The following TBX4 variants were observed in gnomAD, a reference collection of about 807,000 sequenced individuals.
TBX4 encodes T-box transcription factor 4, also known as T-box transcription factor TBX4.
Under a neutral mutation model 54.6 loss-of-function variants are expected in TBX4, and 13 were observed. The observed-to-expected ratio is 0.24, with a 90% confidence interval of 0.15 to 0.38. The LOEUF (loss-of-function observed/expected upper bound fraction) is 0.38. Ranked by LOEUF, TBX4 falls within the 10% of genes least tolerant of loss-of-function variation. The pLI, the probability that TBX4 is intolerant of heterozygous loss-of-function variation, is 1.00. For synonymous variants in TBX4, 314 were observed against 306.7 expected, an observed-to-expected ratio of 1.02 and a Z score of -0.25; for missense variants, 631 against 728.5, an observed-to-expected ratio of 0.87 and a Z score of 1.54.
Position 61,476,775 on chromosome 17 carries a change from G to A in TBX4, c.550-1852G>A, listed in dbSNP as rs1203414989. On this transcript the variant is annotated intron_variant, in intron 5 of 8. Transcript: ENST00000644296. This position sits in a 1 kb window ranked among gnomAD's most constrained non-coding sequence, Gnocchi z 6.5. ...GGCTGAGGCGGGAGTGGCCAGTGCAGAAGGCAGAAAGTGTGGTTCCTGCTG... is the reference window on the plus strand; with the variant it reads ...GGCTGAGGCGGGAGTGGCCAGTGCAAAAGGCAGAAAGTGTGGTTCCTGCTG... Among the ~76,000 whole-genome samples the A allele has an allele frequency of 4.6e-5, 7 of 152,202 alleles. No homozygotes were observed. The highest frequency in any genetic ancestry group is 1.0e-4 in the Non-Finnish European group (7 of 68,038).
Position 61,478,415 on chromosome 17 carries a change from G to A in TBX4, c.550-212G>A, listed in dbSNP as rs2060637850. The A allele has an allele frequency of 4.8e-6, 3 of 623,532 alleles. No homozygotes were observed. Among genetic ancestry groups the A allele is most frequent in the Non-Finnish European group, 8.4e-6 (3 of 355,038 alleles). 38.6% of individuals were successfully genotyped at this position (623,532 alleles called of 1,614,324 possible). A position where few individuals can be genotyped will look rare whatever the true frequency, so the allele number is the denominator to read the frequency against. The stretch of plus-strand genomic sequence containing the variant: ...GGCCTGGAGCTGGGCATTAGTGCTG[G>A]TGCAGAGAGGCTAAGTAGGGCTGGG... On this transcript the variant is annotated intron_variant, in intron 5 of 8. Coordinates refer to ENST00000644296, the MANE Select transcript of TBX4 (RefSeq NM_001321120.2). The surrounding 1 kb of genome is among the most constrained non-coding windows in gnomAD (Gnocchi z 7.4).
chr17:61,479,279 G>A lies in TBX4; in HGVS notation c.702+500G>A, dbSNP rs935270796. 6.6e-6 allele frequency among the ~76,000 whole-genome samples: 1 copy of A among 152,018 alleles called. No homozygotes were observed. Among genetic ancestry groups the A allele is most frequent in the Non-Finnish European group, 1.5e-5 (1 of 68,004 alleles). On this transcript the variant is annotated intron_variant, in intron 6 of 8. Coordinates refer to ENST00000644296, the MANE Select transcript of TBX4 (RefSeq NM_001321120.2). The surrounding 1 kb of genome is among the most constrained non-coding windows in gnomAD (Gnocchi z 6.1). Reference sequence around the variant, plus strand: ...CACTCACTACTGCCCTCCCCAGCCCGGCCACCCCCACTGCATCCCAGTCAC... The same window carrying A: ...CACTCACTACTGCCCTCCCCAGCCCAGCCACCCCCACTGCATCCCAGTCAC...
chr17:61,476,129 T>A lies in TBX4; in HGVS notation c.550-2498T>A, dbSNP rs984004344. On this transcript the variant is annotated intron_variant, in intron 5 of 8. Coordinates refer to ENST00000644296, the MANE Select transcript of TBX4 (RefSeq NM_001321120.2). This position sits in a 1 kb window ranked among gnomAD's most constrained non-coding sequence, Gnocchi z 6.5. Reference sequence around the variant, plus strand: ...TACAAAAGGATAAAAGGTATAGCCCTTTCTCCTGAGGAGTTTAGAGTTTAA... The same window carrying A: ...TACAAAAGGATAAAAGGTATAGCCCATTCTCCTGAGGAGTTTAGAGTTTAA... Among the ~76,000 whole-genome samples the A allele has an allele frequency of 6.6e-6, 1 of 152,142 alleles. No homozygotes were observed. Among genetic ancestry groups the A allele is most frequent in the African/African-American group, 2.4e-5 (1 of 41,414 alleles).
rs1320515186 is a variant in TBX4, at chr17:61,452,863, A to C, written c.-4+286A>C. The stretch of plus-strand genomic sequence containing the variant: ...GAGATCCAAGAGCATAGAAATATCG[A>C]CAGCGCCAGCACCCTAAGAACAAGG... On this transcript the variant is annotated intron_variant, in intron 1 of 8. Coordinates refer to ENST00000644296, the MANE Select transcript of TBX4 (RefSeq NM_001321120.2). 3.2e-6 allele frequency: 3 copies of C among 939,702 alleles called. No individual in the cohort carries two copies. The African/African-American group carries it at 5.3e-5, about 17-fold the overall frequency. The allele number at this position is 939,702 out of a possible 1,614,324, so 58.2% of individuals were successfully genotyped here.
intron 1 of TBX4, among the ~76,000 whole-genome samples, chr17:61,454,343 C>G (rs2060432144): frequency 6.6e-6 from 1 of 152,266 alleles, no homozygotes; most frequent in African/African-American, 2.4e-5. Flanking sequence ...AACGAGGCAG[C>G]TGAAAGCAAC....
chr17:61,467,869 A>G (rs969254048), intron 5 of TBX4, among the ~76,000 whole-genome samples: 1 of 152,222 alleles, frequency 6.6e-6, no homozygotes, highest in African/African-American at 2.4e-5. Flanking sequence ...AACTCTGGAC[A>G]ATCGTCTCAG....
In TBX4 at chr17:61,481,164, G is replaced by A. The variant is rs751313071; in HGVS notation, c.1021+845G>A. ...CACGGGTTGGCAAACTGTGGCCTTC[G>A]GACCTAACCCAGCCTGCTACCTGTA... On this transcript the variant is annotated intron_variant, in intron 8 of 8. Coordinates refer to ENST00000644296, the MANE Select transcript of TBX4 (RefSeq NM_001321120.2). This position sits in a 1 kb window ranked among gnomAD's most constrained non-coding sequence, Gnocchi z 4.8. Among the ~76,000 whole-genome samples the A allele has an allele frequency of 6.6e-6, 1 of 152,020 alleles. No individual in the cohort carries two copies. The highest frequency in any genetic ancestry group is 1.5e-5 in the Non-Finnish European group (1 of 68,024).
Position 61,478,714 on chromosome 17 carries a change from G to A in TBX4, c.637G>A (p.Ala213Thr), listed in dbSNP as rs1371791905. 1 of 1,614,190 alleles carries A rather than the reference G, an allele frequency of 6.2e-7. No individual in the cohort carries two copies. The highest frequency in any genetic ancestry group is 1.1e-5 in the South Asian group (1 of 91,078). Residue 213 changes from alanine (A) to threonine (T), a missense_variant, in exon 6 of 9, where the codon GCT becomes ACT. By Grantham distance (58) the Ala-to-Thr change is moderately conservative. This residue lies in a region of TBX4 where 154 missense variants were observed against 238.6 expected (regional missense o/e 0.65). Transcript: ENST00000644296. The surrounding 1 kb of genome is among the most constrained non-coding windows in gnomAD (Gnocchi z 7.4). ...ENNAFGSKNT[A>T]FCTHVFPETS... The stretch of plus-strand genomic sequence containing the variant: ...CAATGCTTTCGGCTCCAAAAACACT[G>A]CTTTCTGCACCCACGTGTTCCCAGA...
rs1443726078 is a variant in TBX4, at chr17:61,456,566, G to T, written c.76G>T (p.Ala26Ser). Residue 26 changes from alanine (A) to serine (S), a missense_variant, in exon 2 of 9, where the codon GCA (alanine) becomes TCA (serine). By Grantham distance (99) the Ala-to-Ser change is moderately conservative. Coordinates refer to ENST00000644296, the MANE Select transcript of TBX4 (RefSeq NM_001321120.2). Reference protein sequence around the residue: ...APGPALGEASAANAPEPALAA... With the variant: ...APGPALGEASSANAPEPALAA... ...GGGCCCAGCGCTCGGAGAGGCCAGCGCAGCCAACGCCCCCGAGCCCGCGCT... is the reference window on the plus strand; with the variant it reads ...GGGCCCAGCGCTCGGAGAGGCCAGCTCAGCCAACGCCCCCGAGCCCGCGCT... 1.3e-6 allele frequency: 2 copies of T among 1,545,200 alleles called. No individual in the cohort carries two copies. Among genetic ancestry groups the T allele is most frequent in the Non-Finnish European group, 1.7e-6 (2 of 1,144,730 alleles).
chr17:61,458,297 G>C (rs927024382), intron 3 of TBX4, among the ~76,000 whole-genome samples: 1 of 151,464 alleles, frequency 6.6e-6, no homozygotes, highest in Non-Finnish European at 1.5e-5. Context: ...GACTCACGGC[G>C]GGGGTGGGGG....
chr17:61,458,218 A>T (rs1243950502), intron 3 of TBX4, among the ~76,000 whole-genome samples: 1 of 148,732 alleles, frequency 6.7e-6, no homozygotes, highest in East Asian at 2.1e-4. Flanking sequence ...TGATTTATAA[A>T]GTGGAAACAT....
chr17:61,462,761 G>C lies in TBX4; in HGVS notation c.282-3058G>C, dbSNP rs939475560. On this transcript the variant is annotated intron_variant, in intron 3 of 8. Transcript: ENST00000644296. The surrounding 1 kb of genome is among the most constrained non-coding windows in gnomAD (Gnocchi z 4.5). ...GCGTTGCTTTCCACCGTAGGGTGTT[G>C]GTTTTCAGGTACATTCTATGTCATA... is the stretch of plus-strand genomic sequence containing the variant. 3.3e-5 allele frequency: 5 copies of C among 152,162 alleles called. No homozygotes were observed. Among genetic ancestry groups the C allele is most frequent in the Admixed American group, 3.3e-4 (5 of 15,284 alleles). The allele number at this position is 152,162 out of a possible 1,614,324, so 9.4% of individuals were successfully genotyped here.
rs1239583196 is a variant in TBX4 at position 61,484,574 on chromosome 17, G to A, written c.*1058G>A. On this transcript the variant is annotated 3_prime_UTR_variant, in exon 9 of 9. Coordinates refer to ENST00000644296, the MANE Select transcript of TBX4 (RefSeq NM_001321120.2). This position sits in a 1 kb window ranked among gnomAD's most constrained non-coding sequence, Gnocchi z 4.1. The stretch of plus-strand genomic sequence containing the variant: ...TTGTTTCTTCCAGTAAATTCAGCCG[G>A]TGAGCTCAGAGGAGCAAAGAGAATT... 1 of 152,078 alleles carries A rather than the reference G, an allele frequency of 6.6e-6. No individual in the cohort carries two copies. Among genetic ancestry groups the A allele is most frequent in the Non-Finnish European group, 1.5e-5 (1 of 68,018 alleles). 9.4% of individuals were successfully genotyped at this position (152,078 alleles called of 1,614,324 possible).
In TBX4 at chr17:61,479,692, G is replaced by T. The variant is rs2060649377; in HGVS notation, c.703-189G>T. ...CCAGTTCTGCCTGTGCCTGGGGTTGGGGAGGAGGGAAGGCCAGAGGCCAGT... is the reference window on the plus strand; with the variant it reads ...CCAGTTCTGCCTGTGCCTGGGGTTGTGGAGGAGGGAAGGCCAGAGGCCAGT... On this transcript the variant is annotated intron_variant, in intron 6 of 8. Transcript: ENST00000644296. The surrounding 1 kb of genome is among the most constrained non-coding windows in gnomAD (Gnocchi z 6.1). 6.6e-6 allele frequency among the ~76,000 whole-genome samples: 1 copy of T among 152,170 alleles called. No homozygotes were observed. Among genetic ancestry groups the T allele is most frequent in the South Asian group, 2.1e-4 (1 of 4,834 alleles).
At chr17:61,466,874 T>C (rs906803765) in intron 4 of TBX4, among the ~76,000 whole-genome samples, 6 of 152,182 alleles carry the variant, frequency 3.9e-5, no homozygotes, top group African/African-American at 1.4e-4. Flanking sequence ...ATCATAATCA[T>C]ACCAGGTGTA....
rs961000656 is a variant in TBX4 at position 61,472,404 on chromosome 17, A to T, written c.549+4747A>T. 6.6e-6 allele frequency among the ~76,000 whole-genome samples: 1 copy of T among 152,216 alleles called. No individual in the cohort carries two copies. Among genetic ancestry groups the T allele is most frequent in the Non-Finnish European group, 1.5e-5 (1 of 68,040 alleles). On this transcript the variant is annotated intron_variant, in intron 5 of 8. Coordinates refer to ENST00000644296, the MANE Select transcript of TBX4 (RefSeq NM_001321120.2). This position sits in a 1 kb window ranked among gnomAD's most constrained non-coding sequence, Gnocchi z 4.5. The stretch of plus-strand genomic sequence containing the variant: ...ATTTGCATTTCCTTTATTATGAGTA[A>T]GGTTAAGCATCTTCTTTTAATAAAT...
At position 61,480,290 on chromosome 17, in the gene TBX4, G is replaced by A; in HGVS notation, c.992G>A (p.Ser331Asn). Residue 331 changes from serine to asparagine, a missense_variant, in exon 8 of 9, where the codon AGC (serine) becomes AAC (asparagine). This residue lies in a region of TBX4 where 354 missense variants were observed against 368.9 expected (regional missense o/e 0.96). Coordinates refer to ENST00000644296, the MANE Select transcript of TBX4 (RefSeq NM_001321120.2). The surrounding 1 kb of genome is among the most constrained non-coding windows in gnomAD (Gnocchi z 6.2). ...LSTFPTQRDS[S>N]LFYHCLKRRA... is the part of the protein sequence containing the mutation. ...ACCTTTCCCACCCAGAGGGACTCAA[G>A]CCTCTTCTATCACTGCCTGAAAAGA... 6.2e-7 allele frequency: 1 copy of A among 1,613,856 alleles called. No individual in the cohort carries two copies. The highest frequency in any genetic ancestry group is 8.5e-7 in the Non-Finnish European group (1 of 1,179,966).
rs1201125034 is a variant in TBX4 at position 61,462,237 on chromosome 17, A to G, written c.282-3582A>G. On this transcript the variant is annotated intron_variant, in intron 3 of 8. Coordinates refer to ENST00000644296, the MANE Select transcript of TBX4 (RefSeq NM_001321120.2). The surrounding 1 kb of genome is among the most constrained non-coding windows in gnomAD (Gnocchi z 4.5). ...AAAGGCTCCAGCTCCGCACCCTTTC[A>G]GAGCCTGTTTCATGATCAGAGGAGA... Among the ~76,000 whole-genome samples, 1 of 152,046 alleles carries G rather than the reference A, an allele frequency of 6.6e-6. No individual in the cohort carries two copies. Among genetic ancestry groups the G allele is most frequent in the Non-Finnish European group, 1.5e-5 (1 of 68,022 alleles).
At chr17:61,477,286 T>C (rs2060627353) in intron 5 of TBX4, among the ~76,000 whole-genome samples, 2 of 152,224 alleles carry the variant, frequency 1.3e-5, no homozygotes, top group Non-Finnish European at 2.9e-5. Context: ...AAATACATTT[T>C]AATGGCACAT....
Sources: gnomAD v4.1 joint callset for allele counts (sites outside exome capture counted in the v4.1 genomes callset) on GRCh38, gnomAD v4.1.1 for gene constraint, gnomAD v4.1.1 regional missense constraint, Gnocchi (gnomAD v3.1) non-coding constraint, MANE v1.5 for transcripts, NCBI Gene and HGNC (gene_info 2026-07-23, HGNC 2026-07-21) for gene names.